UBE3D: variants seen among roughly 807,000 people sequenced by gnomAD.
UBE3D encodes E3 ubiquitin-protein ligase E3D.
In UBE3D, 48 loss-of-function variants were observed where a neutral mutation model predicts 49.6. That is an observed-to-expected ratio of 0.97 (90% CI 0.77 to 1.23). The LOEUF (loss-of-function observed/expected upper bound fraction) is 1.23, where lower values mean the gene tolerates loss of function less well. Among genes scored for constraint, UBE3D ranks in the 50% most tolerant of loss-of-function variants. The probability of loss-of-function intolerance (pLI) is 0.00; values close to 1 mark genes in which losing one functional copy is unlikely to be tolerated. For missense variants in UBE3D, 452 were observed against 468.4 expected, an observed-to-expected ratio of 0.96 and a Z score of 0.32; for synonymous variants, 189 against 174.2, an observed-to-expected ratio of 1.08 and a Z score of -0.67.
chr6:82,955,051 T>C (rs1319126516), intron 9 of UBE3D, among the ~76,000 whole-genome samples: 1 of 152,200 alleles, frequency 6.6e-6, no homozygotes, highest in Non-Finnish European at 1.5e-5. Flanking sequence ...CATTGAGTAA[T>C]TAACATTCAG....
chr6:83,064,655 G>T (rs117988654), intron 1 of UBE3D, among the ~76,000 whole-genome samples: 1 of 152,112 alleles, frequency 6.6e-6, no homozygotes, highest in Non-Finnish European at 1.5e-5. Flanking sequence ...ACTCTACAAG[G>T]TGCACCAGAA....
At chr6:82,930,536 G>A (rs1042622992) in intron 9 of UBE3D, among the ~76,000 whole-genome samples, 6 of 152,160 alleles carry the variant, frequency 3.9e-5, no homozygotes, top group African/African-American at 1.4e-4. Flanking sequence ...CTAGAGACTT[G>A]TTGAATGGCT....
In UBE3D at chr6:82,892,977, C is replaced by T. The variant is rs1771045426; in HGVS notation, c.*45G>A. The T allele has an allele frequency of 6.2e-7, 1 of 1,612,988 alleles. No individual in the cohort carries two copies. The stretch of plus-strand genomic sequence containing the variant: ...GACTGCTGGCCTCGGTGTGCTCCTG[C>T]TTGAGAGCTGTCTGCCGGGGGAGGA... On this transcript the variant is annotated 3_prime_UTR_variant, in exon 10 of 10. Coordinates refer to ENST00000369747, the MANE Select transcript of UBE3D (RefSeq NM_198920.3).
At chr6:82,891,639 T>C (rs1223819763), downstream of UBE3D, among the ~76,000 whole-genome samples, 1 of 152,208 alleles carries the variant, frequency 6.6e-6, no homozygotes, top group Admixed American at 6.5e-5. Flanking sequence ...TACCACTGCT[T>C]TGCTAGTAAG....
chr6:83,025,959 C>CA (rs1781433172), intron 5 of UBE3D, among the ~76,000 whole-genome samples: 2 of 143,860 alleles, frequency 1.4e-5, no homozygotes, highest in South Asian at 2.2e-4. Flanking sequence ...GAATTTATTT[C>CA]AAAAAAATAC....
intron 8 of UBE3D, chr6:83,017,400 C>T (rs1004993215): frequency 6.6e-6 from 1 of 151,834 alleles, no homozygotes; most frequent in Non-Finnish European, 1.5e-5. Flanking sequence ...TACACACAAA[C>T]ACATACATCA....
At chr6:82,995,344 T>A (rs1582583271) in intron 8 of UBE3D, among the ~76,000 whole-genome samples, 1 of 152,098 alleles carries the variant, frequency 6.6e-6, no homozygotes, top group Admixed American at 6.5e-5. Flanking sequence ...TTAAACATGA[T>A]ACAAAAGCAA....
At chr6:83,033,015 T>C (rs1781990455) in intron 5 of UBE3D, among the ~76,000 whole-genome samples, 1 of 152,180 alleles carries the variant, frequency 6.6e-6, no homozygotes, top group African/African-American at 2.4e-5. Context: ...AACAGACTAA[T>C]ACAGTTTCAT....
intron 9 of UBE3D, among the ~76,000 whole-genome samples, chr6:82,939,759 T>C (rs553538140): frequency 1.3e-5 from 2 of 152,338 alleles, no homozygotes; most frequent in African/African-American, 4.8e-5. Context: ...CCTCATGACA[T>C]GTTTCTCAGA....
chr6:82,885,308 C>A, the UBE3D span, among the ~76,000 whole-genome samples: 1 of 152,116 alleles, frequency 6.6e-6, no homozygotes, highest in Non-Finnish European at 1.5e-5. Flanking sequence ...ATTGGTTTTT[C>A]TAGTGCATCA....
chr6:83,049,801 G>A, intron 3 of UBE3D: 1 of 470,984 alleles, frequency 2.1e-6, no homozygotes, highest in Non-Finnish European at 4.4e-6. Flanking sequence ...GAGTTTGAAA[G>A]TTTGGCCAAC....
intron 9 of UBE3D, chr6:82,924,973 A>G (rs2127738992): frequency 6.6e-6 from 1 of 152,378 alleles, no homozygotes. Context: ...TCATTCAGCT[A>G]TGTTGCAGTT....
At chr6:83,022,712 C>T in intron 6 of UBE3D, 151 bp from the exon 7 acceptor site, 3 of 505,430 alleles carry the variant, frequency 5.9e-6, no homozygotes, top group Non-Finnish European at 7.0e-6. Flanking sequence ...AGAATCTGCA[C>T]TGATGTGGAT....
intron 4 of UBE3D, 88 bp downstream of exon 4, chr6:83,044,340 G>T: frequency 7.7e-7 from 1 of 1,302,404 alleles, no homozygotes; most frequent in Non-Finnish European, 1.1e-6. Context: ...AGCAGTCTAT[G>T]TAACAAGCCC....
intron 9 of UBE3D, among the ~76,000 whole-genome samples, chr6:82,940,648 C>A (rs1461005303): frequency 6.6e-6 from 1 of 152,132 alleles, no homozygotes; most frequent in Non-Finnish European, 1.5e-5. Flanking sequence ...TCTGCAGAAG[C>A]CCTTTGACAT....
chr6:83,049,782 G>A (rs918437731), intron 3 of UBE3D: 1 of 470,994 alleles, frequency 2.1e-6, no homozygotes, highest in Non-Finnish European at 4.4e-6. Context: ...TCTGAAAATC[G>A]AAAGGCTTGA....
intron 9 of UBE3D, among the ~76,000 whole-genome samples, chr6:82,897,162 TA>T (rs905676563): frequency 1.8e-4 from 27 of 148,874 alleles, no homozygotes; most frequent in Non-Finnish European, 2.7e-4. Context: ...ATTGTTGACT[TA>T]AAAAAAAAAC....
chr6:82,977,380 C>T (rs1172298856), intron 8 of UBE3D, among the ~76,000 whole-genome samples: 1 of 151,954 alleles, frequency 6.6e-6, no homozygotes, highest in Admixed American at 6.6e-5. Flanking sequence ...ATCTCTCTAC[C>T]CAACCTTTCT....
In UBE3D at chr6:82,979,919, T is replaced by C. The variant is rs1195650480; in HGVS notation, c.1011-22469A>G. Reference sequence around the variant, plus strand: ...TGTATCCATATTGCTGCAAAAGACATGATTTCATTCTTTTTCATGGCCAAA... The same window carrying C: ...TGTATCCATATTGCTGCAAAAGACACGATTTCATTCTTTTTCATGGCCAAA... On this transcript the variant is annotated intron_variant, in intron 8 of 9. Coordinates refer to ENST00000369747, the MANE Select transcript of UBE3D (RefSeq NM_198920.3). Among the ~76,000 whole-genome samples, 5 of 152,240 alleles carry C rather than the reference T, an allele frequency of 3.3e-5. No individual in the cohort carries two copies. The East Asian group carries it at 9.6e-4, about 29-fold the overall frequency.
Sources: gnomAD v4.1 joint callset for allele counts (sites outside exome capture counted in the v4.1 genomes callset) on GRCh38, gnomAD v4.1.1 for gene constraint, MANE v1.5 for transcripts, NCBI Gene and HGNC (gene_info 2026-07-23, HGNC 2026-07-21) for gene names.